FHL1: variants seen among roughly 807,000 people sequenced by gnomAD.
The protein encoded by FHL1 is four and a half LIM domains 1, also known as four and a half LIM domains protein 1.
Under a neutral mutation model 20.3 loss-of-function variants are expected in FHL1, and 1 was observed. The observed-to-expected ratio is 0.05, with a 90% confidence interval of 0.02 to 0.23. The LOEUF is 0.23. FHL1 is among the 10% of genes least tolerant of loss of function. The pLI is 1.00. For missense variants in FHL1, 177 were observed against 234.0 expected (o/e 0.76, Z 1.59); for synonymous variants, 82 against 88.9 (o/e 0.92, Z 0.44).
chrX:136,211,304 T>C lies in FHL1; in HGVS notation c.*1279T>C, dbSNP rs1302123088. On this transcript the variant is annotated 3_prime_UTR_variant, in exon 6 of 6. Transcript: ENST00000370683. ...TTCTACATTCTGTCATTAGCTATTA[T>C]CATCTAACGTTTCAGTGTATCCTTA... The C allele has an allele frequency of 6.6e-6, 2 of 305,197 alleles. No homozygotes were observed. The highest frequency in any genetic ancestry group is 5.4e-5 in the African/African-American group (2 of 37,165). 25.2% of individuals were successfully genotyped at this position (305,197 alleles called of 1,213,427 possible). A position where few individuals can be genotyped will look rare whatever the true frequency, so the allele number is the denominator to read the frequency against.
At chrX:136,198,950 A>T (rs376080318) in intron 1 of FHL1, among the ~76,000 whole-genome samples, 162 of 111,452 alleles carry the variant, frequency 1.5e-3, no homozygotes, top group African/African-American at 5.1e-3. Context: ...AGAGGGTAGG[A>T]TGAGAGGAAA....
At chrX:136,153,212 CAA>C (rs1569528248) in intron 1 of FHL1, among the ~76,000 whole-genome samples, 1 of 92,848 alleles carries the variant, frequency 1.1e-5, no homozygotes, top group East Asian at 3.4e-4. Flanking sequence ...TTTCGGAGCA[CAA>C]AAAGAGGAAA....
chrX:136,150,664 C>A, intron 1 of FHL1, among the ~76,000 whole-genome samples: 1 of 111,966 alleles, frequency 8.9e-6, no homozygotes. Flanking sequence ...TATGACTTTT[C>A]GTTTATTCAA....
In FHL1 at chrX:136,158,565, A is replaced by G. The variant is rs764593190; in HGVS notation, c.-101+10937A>G. Among the ~76,000 whole-genome samples the G allele has an allele frequency of 2.7e-5, 3 of 110,967 alleles. No homozygotes were observed. The East Asian group carries it at 8.5e-4, about 31-fold the overall frequency. ...TCATGAGAAAGCCATTTTTATAAAC[A>G]TCTCCAGACCGAGAGGGCAGCAGAC... On this transcript the variant is annotated intron_variant, in intron 1 of 7. Coordinates refer to the FHL1 transcript ENST00000394155.
chrX:136,197,969 T>TTG (rs1556637331), intron 1 of FHL1, among the ~76,000 whole-genome samples: 1 of 23,548 alleles, frequency 4.2e-5, no homozygotes, highest in Non-Finnish European at 9.3e-5. Context: ...ATTATCTATG[T>TTG]TTTTTTTTTT....
At chrX:136,189,259 T>C (rs1295564351) in intron 2 of FHL1, among the ~76,000 whole-genome samples, 5 of 111,751 alleles carry the variant, frequency 4.5e-5, no homozygotes, top group African/African-American at 1.6e-4. Flanking sequence ...AGAGGATCAA[T>C]AGAGCAGAGA....
At chrX:136,206,245 G>T in intron 1 of FHL1, 162 bp from the exon 2 acceptor site, 1 of 607,556 alleles carries the variant, frequency 1.6e-6, no homozygotes, top group South Asian at 2.4e-5. Context: ...AGTATCTGTT[G>T]TCTTGGTGCC....
upstream of FHL1, among the ~76,000 whole-genome samples, chrX:136,192,762 A>G (rs1482339230): frequency 8.9e-6 from 1 of 111,839 alleles, no homozygotes; most frequent in Non-Finnish European, 1.9e-5. Flanking sequence ...GTGACATTTA[A>G]GCAGTGACTT....
chrX:136,169,637 T>C, exon 1 of FHL1: 1 of 270,706 alleles, frequency 3.7e-6, no homozygotes, highest in Non-Finnish European at 6.9e-6. Flanking sequence ...CTCACTCCCC[T>C]AACAATGCTG....
chrX:136,201,074 G>T (rs1390000015), intron 1 of FHL1, among the ~76,000 whole-genome samples: 1 of 111,810 alleles, frequency 8.9e-6, no homozygotes, highest in African/African-American at 3.3e-5. Context: ...TGAGGCAGGA[G>T]AATTGCTTGA....
Position 136,199,390 on chromosome X carries a change from CT to C in FHL1, c.22+2257del, listed in dbSNP as rs1441183921. 5.3e-4 allele frequency among the ~76,000 whole-genome samples: 59 copies of C among 111,675 alleles called. No homozygotes were observed. The East Asian group carries it at 8.6e-3, about 16-fold the overall frequency. ...AAGTTGCTAATTACATTGAATCATT[CT>C]GTACACGTTCTATTTTGAAGGGAAA... On this transcript the variant is annotated intron_variant, in intron 1 of 5. Transcript: ENST00000370683.
In FHL1 at chrX:136,208,381, A is replaced by T. The variant is rs1337047249; in HGVS notation, c.550-74A>T. 18 of 1,090,737 alleles carry T rather than the reference A, an allele frequency of 1.7e-5. No homozygotes were observed. The Admixed American group carries it at 3.9e-4, about 24-fold the overall frequency. 89.9% of individuals were successfully genotyped at this position (1,090,737 alleles called of 1,213,427 possible). On this transcript the variant is annotated intron_variant, in intron 4 of 5. Coordinates refer to ENST00000370683, the MANE Select transcript of FHL1 (RefSeq NM_001159699.2). ...TATTGTATACCAAAGCGCCCAGCACAGTGCCTGGCACGCAGTAGGCATTCA... is the reference window on the plus strand; with the variant it reads ...TATTGTATACCAAAGCGCCCAGCACTGTGCCTGGCACGCAGTAGGCATTCA...
chrX:136,208,981 A>C (rs1603272654), intron 5 of FHL1, among the ~76,000 whole-genome samples: 3 of 83,481 alleles, frequency 3.6e-5, no homozygotes, highest in South Asian at 6.4e-4. Flanking sequence ...AGGGTGGGGA[A>C]GGGGTAAGGG....
In FHL1 at chrX:136,162,944, G is replaced by C. The variant is rs1056005156; in HGVS notation, c.-100-6963G>C. On this transcript the variant is annotated intron_variant, in intron 1 of 7. Coordinates refer to the FHL1 transcript ENST00000394155. ...CCAAGATCAAGGTGCAAACAGGTTC[G>C]ATTGTTAAGGGCTGCTCTCTGCTTC... is the stretch of plus-strand genomic sequence containing the variant. Among the ~76,000 whole-genome samples the C allele has an allele frequency of 4.6e-4, 52 of 112,329 alleles. 1 individual carries two copies. The highest frequency in any genetic ancestry group is 1.7e-3 in the African/African-American group (52 of 30,957).
chrX:136,146,988 G>C, upstream of FHL1: 1 of 320,244 alleles, frequency 3.1e-6, no homozygotes. Context: ...CCCCGAAGCG[G>C]GGCCGCTTTT....
At chrX:136,181,746 A>G (rs2073163215) in intron 2 of FHL1, among the ~76,000 whole-genome samples, 1 of 112,159 alleles carries the variant, frequency 8.9e-6, no homozygotes, top group Admixed American at 9.4e-5. Context: ...CCTAACCTTT[A>G]TTAAGATCTT....
chrX:136,167,553 C>T (rs1356905166), upstream of FHL1, among the ~76,000 whole-genome samples: 1 of 111,087 alleles, frequency 9.0e-6, no homozygotes, highest in East Asian at 2.8e-4. Flanking sequence ...TAACATCTTA[C>T]AGGACTAACA....
chrX:136,153,805 C>G (rs150796437), intron 1 of FHL1, among the ~76,000 whole-genome samples: 1,176 of 111,420 alleles, frequency 0.011, 17 homozygotes, highest in African/African-American at 0.035. Context: ...ATTGCAAAAC[C>G]TCCAACTTAT....
intron 2 of FHL1, among the ~76,000 whole-genome samples, chrX:136,183,228 G>A (rs184583501): frequency 3.1e-4 from 35 of 111,662 alleles, no homozygotes; most frequent in African/African-American, 1.1e-3. Context: ...AGTATAGAGC[G>A]TGAATTAAAA....
Sources: gnomAD v4.1 joint callset for allele counts (sites outside exome capture counted in the v4.1 genomes callset) on GRCh38, gnomAD v4.1.1 for gene constraint, MANE v1.5 for transcripts, NCBI Gene and HGNC (gene_info 2026-07-23, HGNC 2026-07-21) for gene names.